Variants in RABGAP1L observed in about 807,000 individuals in gnomAD.
RABGAP1L encodes the protein RAB GTPase activating protein 1 like, also known as rab GTPase-activating protein 1-like.
In RABGAP1L, 63 loss-of-function variants were observed where a neutral mutation model predicts 137.7. The ratio of observed to expected loss-of-function variants is 0.46; its 90% CI spans 0.37 to 0.56. The LOEUF (loss-of-function observed/expected upper bound fraction) is 0.56, where lower values mean the gene tolerates loss of function less well. Among genes scored for constraint, RABGAP1L ranks in the 20% least tolerant of loss-of-function variants. RABGAP1L has a pLI of 0.00. For synonymous variants in RABGAP1L, 431 were observed against 433.7 expected (o/e 0.99, Z 0.08); for missense variants, 1,095 against 1,244.0 (o/e 0.88, Z 1.80).
At chr1:174,783,971 G>A (rs544786170) in intron 18 of RABGAP1L, among the ~76,000 whole-genome samples, 1 of 145,654 alleles carries the variant, frequency 6.9e-6, no homozygotes, top group Admixed American at 6.8e-5. Context: ...CCCTCCTAGA[G>A]TGCTGAGATT....
chr1:174,834,142 C>T (rs1047818601), intron 19 of RABGAP1L, among the ~76,000 whole-genome samples: 7 of 152,086 alleles, frequency 4.6e-5, no homozygotes, highest in African/African-American at 1.7e-4. Flanking sequence ...GAAGTAAATT[C>T]TAGGCCAGGC....
At chr1:174,386,709 A>G (rs1237260943) in intron 12 of RABGAP1L, among the ~76,000 whole-genome samples, 2 of 151,880 alleles carry the variant, frequency 1.3e-5, no homozygotes, top group East Asian at 1.9e-4. Flanking sequence ...GAGTTTCACC[A>G]TGTTGGCCGG....
At chr1:174,620,107 C>CA (rs1315138024) in intron 13 of RABGAP1L, among the ~76,000 whole-genome samples, 1 of 152,120 alleles carries the variant, frequency 6.6e-6, no homozygotes, top group Non-Finnish European at 1.5e-5. Flanking sequence ...TATATGCACC[C>CA]AATACAGGAG....
At chr1:174,488,697 C>T (rs771118080) in intron 13 of RABGAP1L, among the ~76,000 whole-genome samples, 1 of 151,600 alleles carries the variant, frequency 6.6e-6, no homozygotes. Context: ...TGTAAATCTT[C>T]TAGGTGTGCT....
intron 19 of RABGAP1L, among the ~76,000 whole-genome samples, chr1:174,850,355 A>G (rs940245807): frequency 1.3e-5 from 2 of 152,228 alleles, no homozygotes; most frequent in Non-Finnish European, 2.9e-5. Flanking sequence ...ATAAATGTGG[A>G]TATCTCTGGA....
intron 19 of RABGAP1L, among the ~76,000 whole-genome samples, chr1:174,825,383 G>A (rs778256102): frequency 9.9e-5 from 15 of 152,268 alleles, no homozygotes; most frequent in South Asian, 2.1e-4. Flanking sequence ...TCCCTAACCC[G>A]TAGAGTCACC....
intron 1 of RABGAP1L, among the ~76,000 whole-genome samples, chr1:174,169,572 G>A (rs561405574): frequency 1.4e-4 from 21 of 152,234 alleles, no homozygotes; most frequent in African/African-American, 4.6e-4. Context: ...AGAGAAACCA[G>A]TTTATCAGTT....
At chr1:174,647,677 T>C (rs1445299712) in intron 14 of RABGAP1L, among the ~76,000 whole-genome samples, 2 of 152,120 alleles carry the variant, frequency 1.3e-5, no homozygotes, top group South Asian at 2.1e-4. Flanking sequence ...TCTTTTTTTG[T>C]TGTGTCTCTG....
chr1:174,800,742 A>G (rs1017755364), intron 18 of RABGAP1L, among the ~76,000 whole-genome samples: 2 of 152,072 alleles, frequency 1.3e-5, no homozygotes, highest in African/African-American at 4.8e-5. Flanking sequence ...CATTAGTGGC[A>G]TTATCTCTGT....
chr1:174,623,136 T>G (rs1672664488), intron 13 of RABGAP1L, among the ~76,000 whole-genome samples: 2 of 152,318 alleles, frequency 1.3e-5, no homozygotes, highest in Admixed American at 1.3e-4. Context: ...TAAAGGTTAT[T>G]TTTAGAAAGT....
intron 13 of RABGAP1L, among the ~76,000 whole-genome samples, chr1:174,582,891 A>G (rs1369472547): frequency 1.3e-5 from 2 of 152,198 alleles, no homozygotes; most frequent in African/African-American, 4.8e-5. Context: ...ATGTGCTTTA[A>G]TAATTCAGGT....
intron 13 of RABGAP1L, among the ~76,000 whole-genome samples, chr1:174,616,734 C>T (rs1444680393): frequency 6.6e-6 from 1 of 152,172 alleles, no homozygotes; most frequent in African/African-American, 2.4e-5. Flanking sequence ...GTGGATAATT[C>T]TGAATTGAGT....
At chr1:174,747,231 C>G (rs1426486059) in intron 17 of RABGAP1L, among the ~76,000 whole-genome samples, 1 of 151,858 alleles carries the variant, frequency 6.6e-6, no homozygotes, top group African/African-American at 2.4e-5. Flanking sequence ...AGGGATACCT[C>G]ATCTCTACGA....
At chr1:174,832,248 G>A (rs550728211) in intron 19 of RABGAP1L, among the ~76,000 whole-genome samples, 2 of 146,412 alleles carry the variant, frequency 1.4e-5, no homozygotes, top group South Asian at 2.3e-4. Context: ...AGCCGAGATC[G>A]TGCCACTACA....
chr1:174,730,985 T>C (rs1682416089), intron 17 of RABGAP1L, among the ~76,000 whole-genome samples: 1 of 152,214 alleles, frequency 6.6e-6, no homozygotes, highest in South Asian at 2.1e-4. Context: ...ATTTTATTTT[T>C]ATTTTTTGAA....
rs1055868803 is a variant in RABGAP1L, at chr1:174,609,761, T to G, written c.1711-27614T>G. 2.0e-5 allele frequency among the ~76,000 whole-genome samples: 3 copies of G among 152,196 alleles called. No individual in the cohort carries two copies. In the South Asian group the frequency reaches 6.2e-4, roughly 31 times the overall value. On this transcript the variant is annotated intron_variant, in intron 13 of 25. Transcript: ENST00000681986. ...GTTTTATACACCTTAATTATGTAATTCATCTGTCACTTTAATAAGAGTGAT... is the reference window on the plus strand; with the variant it reads ...GTTTTATACACCTTAATTATGTAATGCATCTGTCACTTTAATAAGAGTGAT...
chr1:174,877,515 T>C, intron 19 of RABGAP1L: 1 of 1,614,108 alleles, frequency 6.2e-7, no homozygotes, highest in Non-Finnish European at 8.5e-7. Flanking sequence ...AAATCTCCAT[T>C]ATGGTAGCCT....
At chr1:174,686,916 C>T (rs543212767) in intron 15 of RABGAP1L, among the ~76,000 whole-genome samples, 2 of 152,040 alleles carry the variant, frequency 1.3e-5, no homozygotes, top group South Asian at 2.1e-4. Context: ...ACCTTAGCCT[C>T]CCAAAGTGCT....
At chr1:174,823,439 C>A (rs1691242005) in intron 19 of RABGAP1L, among the ~76,000 whole-genome samples, 1 of 152,126 alleles carries the variant, frequency 6.6e-6, no homozygotes, top group Non-Finnish European at 1.5e-5. Flanking sequence ...CACTTGAATT[C>A]ATATTAACAT....
Sources: gnomAD v4.1 joint callset for allele counts (sites outside exome capture counted in the v4.1 genomes callset) on GRCh38, gnomAD v4.1.1 for gene constraint, MANE v1.5 for transcripts, NCBI Gene and HGNC (gene_info 2026-07-23, HGNC 2026-07-21) for gene names.